The following LMO3 variants were observed in gnomAD, a reference collection of about 807,000 sequenced individuals.
LMO3 encodes LIM domain only protein 3.
Under a neutral mutation model 15.8 loss-of-function variants are expected in LMO3, and 2 were observed. That is an observed-to-expected ratio of 0.13 (90% CI 0.05 to 0.40). LMO3 has a LOEUF of 0.40. LMO3 is among the 10% of genes least tolerant of loss of function. The pLI is 0.99. For missense variants in LMO3, 86 were observed against 182.2 expected, an observed-to-expected ratio of 0.47 and a Z score of 3.04; for synonymous variants, 62 against 63.8, an observed-to-expected ratio of 0.97 and a Z score of 0.13.
At chr12:16,565,983 CATATATATATATAT>C (rs61358392) in intron 2 of LMO3, among the ~76,000 whole-genome samples, 1,348 of 43,696 alleles carry the variant, frequency 0.031, 91 homozygotes, top group Non-Finnish European at 0.044. Context: ...GAAAATGTGC[CATATATATATATAT>C]ATATATATAT....
At position 16,591,350 on chromosome 12, in the gene LMO3, T is replaced by C. The variant is rs1160462203; in HGVS notation, c.206+9305A>G. 6.6e-6 allele frequency among the ~76,000 whole-genome samples: 1 copy of C among 151,990 alleles called. No homozygotes were observed. Among genetic ancestry groups the C allele is most frequent in the African/African-American group, 2.4e-5 (1 of 41,426 alleles). ...CACTTTCATCAGGTCATTACTCAAGTCACCGTCTCAGTGAGGCTGTCTGCA... is the reference window on the plus strand; with the variant it reads ...CACTTTCATCAGGTCATTACTCAAGCCACCGTCTCAGTGAGGCTGTCTGCA... On this transcript the variant is annotated intron_variant, in intron 2 of 3. Coordinates refer to ENST00000537304, the MANE Select transcript of LMO3 (RefSeq NM_018640.5). This position sits in a 1 kb window ranked among gnomAD's most constrained non-coding sequence, Gnocchi z 4.1.
intron 1 of LMO3, among the ~76,000 whole-genome samples, chr12:16,602,897 A>T (rs1405133192): frequency 1.3e-5 from 2 of 152,122 alleles, no homozygotes; most frequent in African/African-American, 4.8e-5. Flanking sequence ...TATTAAGAGA[A>T]GCCATTCTAA....
intron 2 of LMO3, among the ~76,000 whole-genome samples, chr12:16,561,690 T>C (rs1333844774): frequency 3.3e-5 from 5 of 152,246 alleles, no homozygotes; most frequent in Non-Finnish European, 2.9e-5. Context: ...TCTTAAGGCA[T>C]GCATATTCAT....
rs1023442180 is a variant in LMO3, at chr12:16,585,956, G to C, written c.206+14699C>G. Among the ~76,000 whole-genome samples, 4 of 152,064 alleles carry C rather than the reference G, an allele frequency of 2.6e-5. No individual in the cohort carries two copies. Among genetic ancestry groups the C allele is most frequent in the Non-Finnish European group, 1.5e-5 (1 of 67,998 alleles). On this transcript the variant is annotated intron_variant, in intron 2 of 3. Coordinates refer to ENST00000537304, the MANE Select transcript of LMO3 (RefSeq NM_018640.5). This position sits in a 1 kb window ranked among gnomAD's most constrained non-coding sequence, Gnocchi z 4.7. Reference sequence around the variant, plus strand: ...CTGGGCGACATTTCACCAGTGAGGCGGTAGGACATTGTGTGATACAGTAAA... The same window carrying C: ...CTGGGCGACATTTCACCAGTGAGGCCGTAGGACATTGTGTGATACAGTAAA...
chr12:16,594,308 C>T (rs2137650151), intron 2 of LMO3: 6 of 1,438,402 alleles, frequency 4.2e-6, no homozygotes, highest in Non-Finnish European at 4.6e-6. Flanking sequence ...ATCATATACA[C>T]AAACCAATTT....
At position 16,559,371 on chromosome 12, in the gene LMO3, C is replaced by T. The variant is rs1942306226; in HGVS notation, c.332+1042G>A. On this transcript the variant is annotated intron_variant, in intron 3 of 3. Coordinates refer to ENST00000537304, the MANE Select transcript of LMO3 (RefSeq NM_018640.5). This position sits in a 1 kb window ranked among gnomAD's most constrained non-coding sequence, Gnocchi z 4.1. ...AATGGAATTAAGTGATAATACTTTT[C>T]AGCTGAAAGAATTCTCTGAGATGAA... is the stretch of plus-strand genomic sequence containing the variant. Among the ~76,000 whole-genome samples the T allele has an allele frequency of 6.6e-6, 1 of 152,082 alleles. No homozygotes were observed. The highest frequency in any genetic ancestry group is 2.4e-5 in the African/African-American group (1 of 41,416).
At chr12:16,602,809 A>G (rs549682510) in intron 1 of LMO3, among the ~76,000 whole-genome samples, 3 of 152,328 alleles carry the variant, frequency 2.0e-5, no homozygotes, top group Admixed American at 6.5e-5. Flanking sequence ...TGTTAACCAC[A>G]TATCTAGGGG....
chr12:16,592,506 T>A (rs1446969148), intron 2 of LMO3, among the ~76,000 whole-genome samples: 1 of 152,004 alleles, frequency 6.6e-6, no homozygotes, highest in African/African-American at 2.4e-5. Flanking sequence ...ACCTGTAAAA[T>A]GCAAATAACC....
intron 2 of LMO3, among the ~76,000 whole-genome samples, chr12:16,579,456 TTGGTGA>T (rs1408366653): frequency 6.6e-6 from 1 of 152,204 alleles, no homozygotes; most frequent in Non-Finnish European, 1.5e-5. Context: ...GACTAACAAT[TTGGTGA>T]TGGTATATCA....
intron 3 of LMO3, among the ~76,000 whole-genome samples, chr12:16,557,665 T>G (rs1375998963): frequency 6.6e-6 from 1 of 152,074 alleles, no homozygotes; most frequent in Non-Finnish European, 1.5e-5. Flanking sequence ...GGACTATTAT[T>G]TGGTAAATTA....
chr12:16,565,983 CAT>C (rs61358392), intron 2 of LMO3, among the ~76,000 whole-genome samples: 78 of 43,786 alleles, frequency 1.8e-3, no homozygotes, highest in Non-Finnish European at 2.3e-3. Context: ...GAAAATGTGC[CAT>C]ATATATATAT....
At chr12:16,570,015 T>C (rs2137428740) in intron 2 of LMO3, among the ~76,000 whole-genome samples, 1 of 152,276 alleles carries the variant, frequency 6.6e-6, no homozygotes, top group South Asian at 2.1e-4. Flanking sequence ...ATTTTAGATA[T>C]CGTGGGAAAT....
chr12:16,609,116 G>A (rs957771713), upstream of LMO3: 3 of 152,092 alleles, frequency 2.0e-5, no homozygotes, highest in African/African-American at 4.8e-5. Flanking sequence ...GAAAAACCCC[G>A]TGCAGATGAA....
intron 2 of LMO3, among the ~76,000 whole-genome samples, chr12:16,583,283 G>A (rs1381184416): frequency 6.6e-6 from 1 of 152,056 alleles, no homozygotes; most frequent in Non-Finnish European, 1.5e-5. Flanking sequence ...GGTTGAGGGA[G>A]TATGGATGAC....
chr12:16,578,095 G>A (rs979498918), intron 2 of LMO3, among the ~76,000 whole-genome samples: 4 of 152,012 alleles, frequency 2.6e-5, no homozygotes, highest in Non-Finnish European at 5.9e-5. Flanking sequence ...CATTGCTCAC[G>A]GCACCTCATC....
chr12:16,606,009 C>T (rs1943984449), intron 1 of LMO3, 57 bp downstream of exon 1: 2 of 608,472 alleles, frequency 3.3e-6, no homozygotes, highest in East Asian at 2.8e-5. Flanking sequence ...CGCGCGCACC[C>T]GCAGACACAC....
In LMO3 at chr12:16,603,570, T is replaced by G. The variant is rs1943893930; in HGVS notation, c.-9+2496A>C. On this transcript the variant is annotated intron_variant, in intron 1 of 3. Transcript: ENST00000537304. The surrounding 1 kb of genome is among the most constrained non-coding windows in gnomAD (Gnocchi z 4.9). ...GAAATTCTTATTGCCTCTGAGACCC[T>G]GCCATTCTGAGTTATTTGACAGTTT... Among the ~76,000 whole-genome samples the G allele has an allele frequency of 6.6e-6, 1 of 152,172 alleles. No homozygotes were observed.
chr12:16,579,575 G>C (rs1431338369), intron 2 of LMO3, among the ~76,000 whole-genome samples: 1 of 152,166 alleles, frequency 6.6e-6, no homozygotes, highest in Admixed American at 6.5e-5. Flanking sequence ...TAGAATCTTA[G>C]CCAGGGTAAT....
At chr12:16,573,464 T>C (rs1248497727) in intron 2 of LMO3, 1 of 152,174 alleles carries the variant, frequency 6.6e-6, no homozygotes, top group African/African-American at 2.4e-5. Flanking sequence ...TGTGTCCACA[T>C]GTATAAATAA....
Sources: gnomAD v4.1 joint callset for allele counts (sites outside exome capture counted in the v4.1 genomes callset) on GRCh38, gnomAD v4.1.1 for gene constraint, Gnocchi (gnomAD v3.1) non-coding constraint, MANE v1.5 for transcripts, NCBI Gene and HGNC (gene_info 2026-07-23, HGNC 2026-07-21) for gene names.